ZCWPW2: variants seen among roughly 807,000 people sequenced by gnomAD.
ZCWPW2 encodes zinc finger CW-type and PWWP domain containing 2, also known as zinc finger CW-type PWWP domain protein 2.
A neutral mutation model predicts 46.6 loss-of-function variants in ZCWPW2; 45 were observed. The ratio of observed to expected loss-of-function variants is 0.96; its 90% CI spans 0.76 to 1.24. The LOEUF is 1.24. Among genes scored for constraint, ZCWPW2 ranks in the 50% most tolerant of loss-of-function variants. The pLI is 0.00. For synonymous variants in ZCWPW2, 152 were observed against 137.1 expected (o/e 1.11, Z -0.76); for missense variants, 429 against 403.9 (o/e 1.06, Z -0.53).
intron 2 of ZCWPW2, 119 bp from the exon 3 acceptor site, chr3:28,412,937 T>C: frequency 1.4e-6 from 1 of 710,910 alleles, no homozygotes. Flanking sequence ...CTTTGTAGGA[T>C]AGAGAGGGGG....
At chr3:28,436,719 C>A (rs965269707) in intron 4 of ZCWPW2, among the ~76,000 whole-genome samples, 1 of 152,104 alleles carries the variant, frequency 6.6e-6, no homozygotes, top group Non-Finnish European at 1.5e-5. Flanking sequence ...CCATATAAAT[C>A]AATTTCATGC....
chr3:28,473,364 A>G (rs963009796), intron 4 of ZCWPW2, among the ~76,000 whole-genome samples: 2 of 152,138 alleles, frequency 1.3e-5, no homozygotes, highest in African/African-American at 4.8e-5. Context: ...AATCCCAGCT[A>G]CTTGGGAGGC....
At chr3:28,398,687 T>G (rs1002127515) in intron 2 of ZCWPW2, among the ~76,000 whole-genome samples, 50 of 152,160 alleles carry the variant, frequency 3.3e-4, no homozygotes, top group African/African-American at 1.2e-3. Flanking sequence ...AAACTGAAGA[T>G]CTAGATTACG....
intron 4 of ZCWPW2, among the ~76,000 whole-genome samples, chr3:28,476,953 C>T (rs1454851950): frequency 6.6e-6 from 1 of 152,162 alleles, no homozygotes; most frequent in Admixed American, 6.5e-5. Context: ...AATGCTTGTT[C>T]ATCCCCCACT....
At chr3:28,477,675 A>G (rs2125803392) in intron 4 of ZCWPW2, among the ~76,000 whole-genome samples, 1 of 152,292 alleles carries the variant, frequency 6.6e-6, no homozygotes, top group East Asian at 1.9e-4. Flanking sequence ...TCATTCTCTG[A>G]ATTAATTCAA....
intron 5 of ZCWPW2, among the ~76,000 whole-genome samples, chr3:28,489,649 C>G (rs1699731331): frequency 7.0e-6 from 1 of 142,530 alleles, no homozygotes; most frequent in Non-Finnish European, 1.5e-5. Flanking sequence ...CTTTCTCTCT[C>G]TTTCACACAC....
intron 4 of ZCWPW2, among the ~76,000 whole-genome samples, chr3:28,471,821 A>T (rs1030262876): frequency 6.6e-6 from 1 of 152,194 alleles, no homozygotes; most frequent in Non-Finnish European, 1.5e-5. Context: ...TCTTATATTT[A>T]GAGAAACCTA....
chr3:28,488,027 G>A (rs1699665162), intron 5 of ZCWPW2, among the ~76,000 whole-genome samples: 1 of 152,052 alleles, frequency 6.6e-6, no homozygotes, highest in Non-Finnish European at 1.5e-5. Context: ...TTTCAAAATG[G>A]TTACTTTTCT....
At chr3:28,374,724 T>C (rs1267094990) in intron 1 of ZCWPW2, among the ~76,000 whole-genome samples, 1 of 152,130 alleles carries the variant, frequency 6.6e-6, no homozygotes, top group Admixed American at 6.5e-5. Flanking sequence ...TTATTTTATA[T>C]TTTTTGTAGA....
At chr3:28,457,067 T>C (rs991468839) in intron 4 of ZCWPW2, among the ~76,000 whole-genome samples, 5 of 152,310 alleles carry the variant, frequency 3.3e-5, no homozygotes, top group African/African-American at 1.2e-4. Flanking sequence ...TCTTTATACC[T>C]CTGCCCTCTA....
At chr3:28,381,212 G>T (rs2125710585) in intron 1 of ZCWPW2, among the ~76,000 whole-genome samples, 1 of 150,876 alleles carries the variant, frequency 6.6e-6, no homozygotes, top group Middle Eastern at 3.4e-3. Flanking sequence ...TCCAAACTAT[G>T]CAGGAATTGC....
chr3:28,522,659 A>G (rs1382303558), intron 9 of ZCWPW2, among the ~76,000 whole-genome samples: 4 of 152,056 alleles, frequency 2.6e-5, no homozygotes, highest in African/African-American at 9.7e-5. Context: ...AACGTTAAGA[A>G]CTCCTACTTA....
chr3:28,405,905 G>T (rs1399368923), intron 2 of ZCWPW2, among the ~76,000 whole-genome samples: 1 of 152,156 alleles, frequency 6.6e-6, no homozygotes, highest in East Asian at 1.9e-4. Flanking sequence ...AGACAGTAAA[G>T]ACCATTTAGG....
chr3:28,511,006 C>T (rs145331468), intron 6 of ZCWPW2: 1 of 453,718 alleles, frequency 2.2e-6, no homozygotes, highest in Non-Finnish European at 4.4e-6. Flanking sequence ...GAACTTGTAG[C>T]CTTTTCAGCT....
rs1038574672 is a variant in ZCWPW2 at position 28,353,353 on chromosome 3, A to G, written c.-134+4150A>G. ...GTAGGGAAGTATGATAGGGTGATCA[A>G]TTTAAAATATTTTGAAACACTAAAA... On this transcript the variant is annotated intron_variant, in intron 1 of 9. Transcript: ENST00000383768. Among the ~76,000 whole-genome samples, 8 of 152,320 alleles carry G rather than the reference A, an allele frequency of 5.3e-5. No individual in the cohort carries two copies. The East Asian group carries it at 1.5e-3, about 29-fold the overall frequency.
intron 2 of ZCWPW2, among the ~76,000 whole-genome samples, chr3:28,401,249 G>T (rs989724515): frequency 2.0e-5 from 3 of 151,878 alleles, no homozygotes; most frequent in African/African-American, 7.3e-5. Flanking sequence ...ATAGAAAGAT[G>T]AATGGAATGG....
intron 6 of ZCWPW2, among the ~76,000 whole-genome samples, chr3:28,512,563 T>C (rs1393225053): frequency 6.6e-6 from 1 of 152,184 alleles, no homozygotes; most frequent in Non-Finnish European, 1.5e-5. Context: ...CTTATGCAAC[T>C]CCTTTCAGAA....
intron 1 of ZCWPW2, among the ~76,000 whole-genome samples, chr3:28,382,585 A>G (rs1695145128): frequency 1.3e-5 from 2 of 152,186 alleles, no homozygotes; most frequent in South Asian, 4.1e-4. Context: ...TGTTTTGAAT[A>G]CTTACTATTG....
chr3:28,467,872 C>T (rs1457450303), intron 4 of ZCWPW2, among the ~76,000 whole-genome samples: 1 of 152,096 alleles, frequency 6.6e-6, no homozygotes, highest in Non-Finnish European at 1.5e-5. Context: ...AAACCCATAT[C>T]GTGAAGACTA....
Sources: gnomAD v4.1 joint callset for allele counts (sites outside exome capture counted in the v4.1 genomes callset) on GRCh38, gnomAD v4.1.1 for gene constraint, MANE v1.5 for transcripts, NCBI Gene and HGNC (gene_info 2026-07-23, HGNC 2026-07-21) for gene names.